The following ACTL8 variants were observed in gnomAD, a reference collection of about 807,000 sequenced individuals.
ACTL8 encodes the protein actin like 8.
A neutral mutation model predicts 9.3 loss-of-function variants in ACTL8; 3 were observed. The ratio of observed to expected loss-of-function variants is 0.32; its 90% CI spans 0.15 to 0.83. ACTL8 has a LOEUF of 0.83. Among genes scored for constraint, ACTL8 ranks in the 40% least tolerant of loss-of-function variants. The pLI is 0.57. For synonymous variants in ACTL8, 224 were observed against 205.9 expected (o/e 1.09, Z -0.75); for missense variants, 381 against 492.2 (o/e 0.77, Z 2.14).
At position 17,825,310 on chromosome 1, in the gene ACTL8, G is replaced by A. The variant is rs370086423; in HGVS notation, c.349-457G>A. The stretch of plus-strand genomic sequence containing the variant: ...CCTTTCCTTTTTCCTTCGTTCTGGC[G>A]TCTTTTTTCTTGTCTGTCTTATCTT... On this transcript the variant is annotated intron_variant, in intron 2 of 2. Coordinates refer to ENST00000375406, the MANE Select transcript of ACTL8 (RefSeq NM_030812.3). Among the ~76,000 whole-genome samples the A allele has an allele frequency of 7.5e-4, 108 of 143,142 alleles. 2 individuals are homozygous for A. The South Asian group carries it at 9.1e-3, about 12-fold the overall frequency. 93.9% of individuals were successfully genotyped at this position (143,142 alleles called of 152,430 possible). A position where few individuals can be genotyped will look rare whatever the true frequency, so the allele number is the denominator to read the frequency against.
chr1:17,757,191 G>A (rs111577725), intron 1 of ACTL8, among the ~76,000 whole-genome samples: 145 of 152,074 alleles, frequency 9.5e-4, no homozygotes, highest in African/African-American at 3.5e-3. Flanking sequence ...AAAATGACAA[G>A]CCCAGGTCCA....
At chr1:17,761,135 T>C (rs1476375462) in intron 1 of ACTL8, among the ~76,000 whole-genome samples, 1 of 126,914 alleles carries the variant, frequency 7.9e-6, no homozygotes, top group Non-Finnish European at 1.6e-5. Flanking sequence ...TGCGGCTTAA[T>C]TTTTTTTTTT....
intron 1 of ACTL8, among the ~76,000 whole-genome samples, chr1:17,804,104 G>A (rs1317873637): frequency 6.6e-6 from 1 of 152,200 alleles, no homozygotes; most frequent in Non-Finnish European, 1.5e-5. Context: ...TGCTTCAGGA[G>A]CAGTTTGATC....
chr1:17,812,876 C>T (rs1310704369), intron 1 of ACTL8, among the ~76,000 whole-genome samples: 1 of 152,000 alleles, frequency 6.6e-6, no homozygotes, highest in Non-Finnish European at 1.5e-5. Context: ...AGATTTATAC[C>T]AAAGTATCTC....
intron 1 of ACTL8, among the ~76,000 whole-genome samples, chr1:17,820,688 C>T (rs112249136): frequency 6.1e-4 from 93 of 152,130 alleles, no homozygotes; most frequent in Middle Eastern, 6.8e-3. Context: ...CTCCCTCAGC[C>T]CCCCCAGTAG....
intron 1 of ACTL8, among the ~76,000 whole-genome samples, chr1:17,771,022 A>G (rs994062556): frequency 3.3e-5 from 5 of 152,208 alleles, no homozygotes; most frequent in South Asian, 4.1e-4. Flanking sequence ...TTACCGCCTC[A>G]TAGGTTATCG....
At chr1:17,793,650 A>T (rs1245465025) in intron 1 of ACTL8, among the ~76,000 whole-genome samples, 1 of 151,884 alleles carries the variant, frequency 6.6e-6, no homozygotes, top group Non-Finnish European at 1.5e-5. Flanking sequence ...AAGGAATCTC[A>T]CTCTCTATTG....
intron 1 of ACTL8, among the ~76,000 whole-genome samples, chr1:17,769,190 G>C (rs2066066708): frequency 6.6e-6 from 1 of 152,172 alleles, no homozygotes; most frequent in Admixed American, 6.5e-5. Context: ...GATCTGTCCT[G>C]TTGAGCGCCT....
chr1:17,775,313 C>T (rs968502683), intron 1 of ACTL8, among the ~76,000 whole-genome samples: 1 of 152,170 alleles, frequency 6.6e-6, no homozygotes, highest in Non-Finnish European at 1.5e-5. Context: ...CATCCCTCCC[C>T]ACTCAGCTGA....
chr1:17,825,241 CT>C (rs2053704141), intron 2 of ACTL8, among the ~76,000 whole-genome samples: 1 of 152,022 alleles, frequency 6.6e-6, no homozygotes, highest in African/African-American at 2.4e-5. Flanking sequence ...CAGTGAGCAT[CT>C]TTTCCCTTTT....
chr1:17,776,831 G>A (rs1018472764), intron 1 of ACTL8, among the ~76,000 whole-genome samples: 1 of 151,876 alleles, frequency 6.6e-6, no homozygotes, highest in East Asian at 1.9e-4. Flanking sequence ...ACAGGGTCTC[G>A]CTCTAGCTCC....
At position 17,767,542 on chromosome 1, in the gene ACTL8, C is replaced by T. The variant is rs188590440; in HGVS notation, c.-25+12038C>T. 6.6e-5 allele frequency among the ~76,000 whole-genome samples: 10 copies of T among 152,278 alleles called. No individual in the cohort carries two copies. The East Asian group carries it at 1.9e-3, about 29-fold the overall frequency. On this transcript the variant is annotated intron_variant, in intron 1 of 2. Transcript: ENST00000375406. This position sits in a 1 kb window ranked among gnomAD's most constrained non-coding sequence, Gnocchi z 4.7. ...GGTTGAGTTTGGCCTTGTCTAAGCC[C>T]GTGGCTGGGTGCATGGCTCCCGGGC... is the stretch of plus-strand genomic sequence containing the variant.
intron 2 of ACTL8, among the ~76,000 whole-genome samples, 190 bp from the exon 3 acceptor site, chr1:17,825,577 A>T (rs1053243531): frequency 6.6e-6 from 1 of 152,184 alleles, no homozygotes; most frequent in African/African-American, 2.4e-5. Flanking sequence ...TCCTGAGGGC[A>T]AACCCAGCTC....
At chr1:17,758,008 C>T (rs2065978901) in intron 1 of ACTL8, among the ~76,000 whole-genome samples, 1 of 152,214 alleles carries the variant, frequency 6.6e-6, no homozygotes, top group African/African-American at 2.4e-5. Context: ...CTAATCTGCA[C>T]TCCCCTGCTG....
chr1:17,794,730 C>G (rs1002511135), intron 1 of ACTL8, among the ~76,000 whole-genome samples: 1 of 152,174 alleles, frequency 6.6e-6, no homozygotes, highest in African/African-American at 2.4e-5. Context: ...TTGTCATAAG[C>G]CAATGTTGCC....
chr1:17,795,696 C>T (rs554015369), intron 1 of ACTL8, among the ~76,000 whole-genome samples: 13 of 152,266 alleles, frequency 8.5e-5, no homozygotes, highest in South Asian at 2.1e-4. Context: ...GGGGGTCCCG[C>T]GTCAATCACT....
intron 1 of ACTL8, among the ~76,000 whole-genome samples, chr1:17,814,074 C>A (rs2066409298): frequency 6.6e-6 from 1 of 152,140 alleles, no homozygotes; most frequent in Admixed American, 6.5e-5. Flanking sequence ...TATTTGTTTT[C>A]CATTTTCAAT....
intron 1 of ACTL8, among the ~76,000 whole-genome samples, chr1:17,772,647 TG>T (rs1223539238): frequency 6.6e-6 from 1 of 152,134 alleles, no homozygotes; most frequent in Non-Finnish European, 1.5e-5. Flanking sequence ...GGGAAGAGGT[TG>T]GGGGGCTCCC....
At chr1:17,790,438 C>T (rs182567737) in intron 1 of ACTL8, among the ~76,000 whole-genome samples, 16 of 152,312 alleles carry the variant, frequency 1.1e-4, no homozygotes, top group Non-Finnish European at 2.1e-4. Flanking sequence ...GTGAGCAAGA[C>T]GAAGAGGAGC....
Sources: gnomAD v4.1 joint callset for allele counts (sites outside exome capture counted in the v4.1 genomes callset) on GRCh38, gnomAD v4.1.1 for gene constraint, Gnocchi (gnomAD v3.1) non-coding constraint, MANE v1.5 for transcripts, NCBI Gene and HGNC (gene_info 2026-07-23, HGNC 2026-07-21) for gene names.